The following TTC29 variants were observed in gnomAD, a reference collection of about 807,000 sequenced individuals.
TTC29 encodes tetratricopeptide repeat protein 29.
Under a neutral mutation model 58.1 loss-of-function variants are expected in TTC29, and 49 were observed. The ratio of observed to expected loss-of-function variants is 0.84; its 90% CI spans 0.67 to 1.07. The LOEUF (loss-of-function observed/expected upper bound fraction) is 1.07, where lower values mean the gene tolerates loss of function less well. Ranked by LOEUF, TTC29 falls within the 50% of genes least tolerant of loss-of-function variation. The pLI, the probability that TTC29 is intolerant of heterozygous loss-of-function variation, is 0.00. For missense variants in TTC29, 582 were observed against 555.6 expected (o/e 1.05, Z -0.48); for synonymous variants, 209 against 196.8 (o/e 1.06, Z -0.52).
chr4:146,861,273 T>G (rs1730215297), intron 8 of TTC29, among the ~76,000 whole-genome samples: 1 of 152,190 alleles, frequency 6.6e-6, no homozygotes, highest in South Asian at 2.1e-4. Context: ...AAAATATTTT[T>G]CTCTTTCAAA....
intron 5 of TTC29, among the ~76,000 whole-genome samples, chr4:146,905,619 C>G (rs1465677177): frequency 3.3e-5 from 5 of 152,038 alleles, no homozygotes; most frequent in Non-Finnish European, 7.4e-5. Flanking sequence ...CTACAAGTAG[C>G]CTTCTCTCCT....
chr4:146,878,107 C>A (rs997484810), intron 6 of TTC29, among the ~76,000 whole-genome samples: 11 of 152,114 alleles, frequency 7.2e-5, no homozygotes, highest in Admixed American at 2.0e-4. Flanking sequence ...ATAAGGCTGT[C>A]CAAGCAGGAA....
chr4:146,941,155 G>T (rs906401022), intron 2 of TTC29, among the ~76,000 whole-genome samples: 46 of 152,156 alleles, frequency 3.0e-4, no homozygotes, highest in African/African-American at 1.1e-3. Flanking sequence ...AGATACAAAA[G>T]AACCCATGCT....
At chr4:146,919,167 G>T (rs1734424982) in intron 4 of TTC29, among the ~76,000 whole-genome samples, 1 of 151,040 alleles carries the variant, frequency 6.6e-6, no homozygotes, top group Non-Finnish European at 1.5e-5. Context: ...TGTTAAAGGA[G>T]AATTTTTCAG....
chr4:146,787,121 T>C (rs1483779230), intron 11 of TTC29, among the ~76,000 whole-genome samples: 1 of 152,166 alleles, frequency 6.6e-6, no homozygotes, highest in Non-Finnish European at 1.5e-5. Context: ...CATGTAAATG[T>C]TATTTGGGAT....
intron 8 of TTC29, among the ~76,000 whole-genome samples, chr4:146,841,824 T>C (rs1474234794): frequency 6.6e-6 from 1 of 152,018 alleles, no homozygotes; most frequent in Non-Finnish European, 1.5e-5. Context: ...GGTGACTTAA[T>C]CTCTCTGGGC....
intron 11 of TTC29, among the ~76,000 whole-genome samples, chr4:146,734,557 G>A (rs1186195795): frequency 6.6e-6 from 1 of 152,064 alleles, no homozygotes; most frequent in Non-Finnish European, 1.5e-5. Context: ...GGTGTCTGGG[G>A]GTGTGGGAGA....
chr4:146,728,151 G>A (rs969260809), intron 11 of TTC29, among the ~76,000 whole-genome samples: 1 of 151,932 alleles, frequency 6.6e-6, no homozygotes, highest in Non-Finnish European at 1.5e-5. Flanking sequence ...GCCGGGCGAG[G>A]TGGTGGGCAC....
At chr4:146,757,704 A>G (rs1404442166) in intron 11 of TTC29, among the ~76,000 whole-genome samples, 1 of 152,146 alleles carries the variant, frequency 6.6e-6, no homozygotes. Context: ...AGAATTTTGT[A>G]TCCAGCGAAA....
intron 6 of TTC29, among the ~76,000 whole-genome samples, chr4:146,881,910 T>C (rs762036039): frequency 9.2e-5 from 14 of 152,140 alleles, no homozygotes; most frequent in Non-Finnish European, 1.5e-4. Context: ...TACTTTTAGA[T>C]ATTTAGATGA....
At chr4:146,854,513 G>A (rs1318475549) in intron 8 of TTC29, among the ~76,000 whole-genome samples, 1 of 152,128 alleles carries the variant, frequency 6.6e-6, no homozygotes, top group Non-Finnish European at 1.5e-5. Context: ...TCATTGGTCT[G>A]TGTGTGCCCC....
At chr4:146,714,320 A>C (rs1295546734) in intron 11 of TTC29, among the ~76,000 whole-genome samples, 1 of 152,184 alleles carries the variant, frequency 6.6e-6, no homozygotes, top group African/African-American at 2.4e-5. Flanking sequence ...TGGAAAATAA[A>C]ATAAAACATT....
intron 6 of TTC29, among the ~76,000 whole-genome samples, chr4:146,882,678 G>A (rs1339386315): frequency 1.3e-5 from 2 of 152,018 alleles, no homozygotes; most frequent in Admixed American, 6.6e-5. Context: ...ATTTCTATAT[G>A]TTTATGTGAG....
At chr4:146,931,821 C>T (rs896037669) in intron 4 of TTC29, among the ~76,000 whole-genome samples, 3 of 152,114 alleles carry the variant, frequency 2.0e-5, no homozygotes, top group Non-Finnish European at 4.4e-5. Context: ...TCTTTTATCT[C>T]TATATTTGGT....
chr4:146,750,821 A>C (rs1745924201), intron 11 of TTC29, among the ~76,000 whole-genome samples: 1 of 152,234 alleles, frequency 6.6e-6, no homozygotes, highest in African/African-American at 2.4e-5. Context: ...AAGGACTTAT[A>C]AAACAATCTG....
At chr4:146,835,829 G>T (rs1034044212) in intron 8 of TTC29, among the ~76,000 whole-genome samples, 52 of 152,246 alleles carry the variant, frequency 3.4e-4, no homozygotes, top group African/African-American at 1.3e-3. Flanking sequence ...TGAACCCATG[G>T]ATAGAAGGGT....
intron 11 of TTC29, among the ~76,000 whole-genome samples, chr4:146,802,061 A>T (rs1409547825): frequency 6.7e-6 from 1 of 149,546 alleles, no homozygotes; most frequent in Admixed American, 6.7e-5. Context: ...CATAGATCTG[A>T]TCAGAAGATA....
chr4:146,872,804 A>C (rs1290649289), intron 7 of TTC29, among the ~76,000 whole-genome samples: 1 of 152,144 alleles, frequency 6.6e-6, no homozygotes. Context: ...TAAATGGTGA[A>C]GCCACTTTGG....
At chr4:146,858,198 A>C (rs1729994372) in intron 8 of TTC29, among the ~76,000 whole-genome samples, 1 of 152,200 alleles carries the variant, frequency 6.6e-6, no homozygotes, top group Admixed American at 6.5e-5. Context: ...TAGTATTGTT[A>C]TTTCACAAAT....
Sources: allele counts gnomAD v4.1 joint callset (sites outside exome capture counted in the v4.1 genomes callset), GRCh38; gene constraint gnomAD v4.1.1; transcripts MANE v1.5; gene names NCBI Gene and HGNC (gene_info 2026-07-23, HGNC 2026-07-21).